FAM156A: variants seen among roughly 807,000 people sequenced by gnomAD.
FAM156A encodes family with sequence similarity 156 member A.
rs140946463 is a variant in FAM156A, at chrX:52,987,512, G to A, written c.-434+7794C>T. On this transcript the variant is annotated intron_variant, in intron 1 of 4. Transcript: ENST00000610625. ...CTGCAAAAAATAAGAAAACTTAGCC[G>A]AGTGTGCTGGTGTACACCTGTAGTC... Among the ~76,000 whole-genome samples, 712 of 110,104 alleles carry A rather than the reference G, an allele frequency of 6.5e-3. 2 individuals carry two copies. The highest frequency in any genetic ancestry group is 0.022 in the African/African-American group (668 of 30,250).
At chrX:52,980,415 T>C (rs1485019353) in intron 1 of FAM156A, among the ~76,000 whole-genome samples, 1 of 112,064 alleles carries the variant, frequency 8.9e-6, no homozygotes, top group Non-Finnish European at 1.9e-5. Flanking sequence ...ACACCGGCTA[T>C]GCCCATTGCT....
intron 1 of FAM156A, among the ~76,000 whole-genome samples, chrX:52,978,965 A>T (rs1929680724): frequency 1.8e-5 from 2 of 112,316 alleles, no homozygotes; most frequent in Admixed American, 1.9e-4. Flanking sequence ...TCCAGAACTC[A>T]CACCCAGTGA....
At chrX:52,987,372 A>G (rs111800880) in intron 1 of FAM156A, among the ~76,000 whole-genome samples, 1,590 of 111,767 alleles carry the variant, frequency 0.014, 30 homozygotes, top group African/African-American at 0.049. Flanking sequence ...AGTCAAAATG[A>G]CTTTGAACTT....
intron 1 of FAM156A, among the ~76,000 whole-genome samples, chrX:52,995,002 G>T (rs1931072167): frequency 9.1e-6 from 1 of 110,063 alleles, no homozygotes; most frequent in Non-Finnish European, 1.9e-5. Context: ...AGAAAAGAAG[G>T]CATATCCAGA....
intron 1 of FAM156A, among the ~76,000 whole-genome samples, chrX:52,986,269 G>GAA (rs781956805): frequency 2.9e-5 from 3 of 102,927 alleles, no homozygotes; most frequent in Admixed American, 1.1e-4. Flanking sequence ...AATCACTGCA[G>GAA]AAAAAAAAAA....
rs183279905 is a variant in FAM156A, at chrX:52,978,562, C to G, written c.-433-14327G>C. Among the ~76,000 whole-genome samples, 3 of 112,776 alleles carry G rather than the reference C, an allele frequency of 2.7e-5. No homozygotes were observed. The East Asian group carries it at 8.3e-4, about 31-fold the overall frequency. On this transcript the variant is annotated intron_variant, in intron 1 of 4. Coordinates refer to the FAM156A transcript ENST00000610625. ...AAGAGCCACGGGCATCGCGAAAACT[C>G]TACTGTGCTGCATATTAGTGCAATC...
At chrX:52,982,369 G>A (rs935534108) in intron 1 of FAM156A, among the ~76,000 whole-genome samples, 3 of 111,359 alleles carry the variant, frequency 2.7e-5, no homozygotes, top group Non-Finnish European at 3.8e-5. Flanking sequence ...TGGGAGAATC[G>A]CTTGAGCCTG....
intron 1 of FAM156A, among the ~76,000 whole-genome samples, chrX:52,984,242 A>G (rs1292934264): frequency 8.9e-6 from 1 of 112,246 alleles, no homozygotes; most frequent in Non-Finnish European, 1.9e-5. Flanking sequence ...CCAGAAATCA[A>G]TTGTGACATG....
At chrX:52,978,553 G>A (rs781836351) in intron 1 of FAM156A, among the ~76,000 whole-genome samples, 29 of 112,554 alleles carry the variant, frequency 2.6e-4, no homozygotes, top group African/African-American at 9.3e-4. Context: ...CACGGGCATC[G>A]CGAAAACTCT....
intron 1 of FAM156A, among the ~76,000 whole-genome samples, chrX:52,984,923 A>G (rs782579110): frequency 9.0e-6 from 1 of 111,054 alleles, no homozygotes; most frequent in Admixed American, 9.6e-5. Context: ...TCACACATAG[A>G]GGAAAAGATG....
At chrX:52,991,955 G>A (rs1556795699) in intron 1 of FAM156A, among the ~76,000 whole-genome samples, 1 of 105,789 alleles carries the variant, frequency 9.5e-6, no homozygotes, top group African/African-American at 3.5e-5. Flanking sequence ...AGAGAGAGCT[G>A]AAGCCACTTG....
At chrX:52,989,618 T>G (rs1041846970) in intron 1 of FAM156A, among the ~76,000 whole-genome samples, 30 of 112,433 alleles carry the variant, frequency 2.7e-4, no homozygotes, top group African/African-American at 9.7e-4. Flanking sequence ...CCCCTCAAGC[T>G]GTATGGAGAT....
chrX:52,977,049 T>C (rs1038152907), intron 1 of FAM156A, among the ~76,000 whole-genome samples: 3 of 104,787 alleles, frequency 2.9e-5, no homozygotes, highest in African/African-American at 7.0e-5. Flanking sequence ...CATATATATA[T>C]ACACACACAT....
intron 1 of FAM156A, among the ~76,000 whole-genome samples, chrX:52,978,570 C>G (rs782795859): frequency 2.2e-4 from 25 of 112,684 alleles, no homozygotes; most frequent in South Asian, 3.6e-4. Flanking sequence ...CTCTACTGTG[C>G]TGCATATTAG....
At chrX:52,977,907 A>G (rs1556792680) in intron 1 of FAM156A, among the ~76,000 whole-genome samples, 1 of 112,332 alleles carries the variant, frequency 8.9e-6, no homozygotes, top group South Asian at 3.6e-4. Flanking sequence ...AATAGAACTA[A>G]TAGCAATAGA....
chrX:52,983,841 A>G (rs1930079568), intron 1 of FAM156A, among the ~76,000 whole-genome samples: 1 of 112,651 alleles, frequency 8.9e-6, no homozygotes, highest in Admixed American at 9.4e-5. Context: ...TACCTCTCAC[A>G]AGAGACAACA....
intron 1 of FAM156A, among the ~76,000 whole-genome samples, chrX:52,975,295 C>A (rs1556791888): frequency 8.9e-6 from 1 of 111,995 alleles, no homozygotes. Flanking sequence ...GCCTTCATAG[C>A]TTTATGCGGG....
chrX:52,982,484 G>C (rs1262547925), intron 1 of FAM156A, among the ~76,000 whole-genome samples: 1 of 111,356 alleles, frequency 9.0e-6, no homozygotes, highest in Non-Finnish European at 1.9e-5. Context: ...TTTTAAAAAA[G>C]AAAGTCAATT....
chrX:52,982,731 C>G (rs1393913423), intron 1 of FAM156A, among the ~76,000 whole-genome samples: 1 of 112,322 alleles, frequency 8.9e-6, no homozygotes, highest in Non-Finnish European at 1.9e-5. Context: ...AATAAATCAA[C>G]CAATAATACA....
Sources: gnomAD v4.1 joint callset for allele counts (sites outside exome capture counted in the v4.1 genomes callset) on GRCh38, gnomAD v4.1.1 for gene constraint, MANE v1.5 for transcripts, NCBI Gene and HGNC (gene_info 2026-07-23, HGNC 2026-07-21) for gene names.